Variants in DNAJA3 observed in about 807,000 individuals in gnomAD.
The protein encoded by DNAJA3 is dnaJ homolog subfamily A member 3, mitochondrial.
A neutral mutation model predicts 54.9 loss-of-function variants in DNAJA3; 29 were observed. The ratio of observed to expected loss-of-function variants is 0.53; its 90% CI spans 0.39 to 0.72. DNAJA3 has a LOEUF of 0.72. DNAJA3 is among the 30% of genes least tolerant of loss of function. The pLI is 0.00. For synonymous variants in DNAJA3, 302 were observed against 251.4 expected (o/e 1.20, Z -1.90); for missense variants, 708 against 639.4 (o/e 1.11, Z -1.16).
intron 1 of DNAJA3, chr16:4,434,132 A>T (rs965641963): frequency 2.2e-6 from 1 of 459,446 alleles, no homozygotes; most frequent in Non-Finnish European, 3.9e-6. Flanking sequence ...ATCAGATCTC[A>T]TGAGAACTTA....
At chr16:4,432,100 C>T (rs540188294) in intron 1 of DNAJA3, among the ~76,000 whole-genome samples, 1 of 150,798 alleles carries the variant, frequency 6.6e-6, no homozygotes, top group Non-Finnish European at 1.5e-5. Flanking sequence ...CCTCTTTAGC[C>T]TATTTCTGTC....
chr16:4,452,091 C>T (rs1158492725), intron 10 of DNAJA3, among the ~76,000 whole-genome samples: 1 of 151,898 alleles, frequency 6.6e-6, no homozygotes, highest in Non-Finnish European at 1.5e-5. Flanking sequence ...AACAAAAAAG[C>T]AGCTGCCACA....
At position 4,454,664 on chromosome 16, in the gene DNAJA3, G is replaced by T; in HGVS notation, c.1340-147G>T. The T allele has an allele frequency of 6.5e-6, 4 of 614,540 alleles. No homozygotes were observed. The South Asian group carries it at 7.9e-5, about 12-fold the overall frequency. The allele number at this position is 614,540 out of a possible 1,614,324, so 38.1% of individuals were successfully genotyped here. A position where few individuals can be genotyped will look rare whatever the true frequency, so the allele number is the denominator to read the frequency against. On this transcript the variant is annotated intron_variant, in intron 10 of 11. Transcript: ENST00000262375. ...AGGTGAGGCATCCTGTGCCATCTTA[G>T]GAGTGGCCCCCACTCTTCTTGAGGT...
chr16:4,438,843 A>T (rs902029456), intron 3 of DNAJA3, among the ~76,000 whole-genome samples: 3 of 152,018 alleles, frequency 2.0e-5, no homozygotes, highest in Non-Finnish European at 4.4e-5. Context: ...GTAGACAGCC[A>T]CGTAGAAGAA....
At chr16:4,430,180 C>A (rs1302182553) in intron 1 of DNAJA3, among the ~76,000 whole-genome samples, 1 of 151,742 alleles carries the variant, frequency 6.6e-6, no homozygotes, top group Non-Finnish European at 1.5e-5. Flanking sequence ...ATTAACTCAG[C>A]GTCCAAACAC....
rs1185572259 is a variant in DNAJA3, at chr16:4,441,127, G to T, written c.430-248G>T. On this transcript the variant is annotated intron_variant, in intron 3 of 11. Coordinates refer to ENST00000262375, the MANE Select transcript of DNAJA3 (RefSeq NM_005147.6). Reference sequence around the variant, plus strand: ...GAGGATCAACACAAACATTTTCCCAGCATGCGCGACGGCGGGAGAGTTCGT... The same window carrying T: ...GAGGATCAACACAAACATTTTCCCATCATGCGCGACGGCGGGAGAGTTCGT... The T allele has an allele frequency of 2.0e-5, 11 of 546,254 alleles. No individual in the cohort carries two copies. In the Admixed American group the frequency reaches 3.6e-4, roughly 18 times the overall value. 33.8% of individuals were successfully genotyped at this position (546,254 alleles called of 1,614,324 possible).
rs764000772 is a variant in DNAJA3, at chr16:4,450,376, C to G, written c.1242-24C>G. ...CAAAGCTTCCCGGCGGAAGCCTTGG[C>G]TGCTGACTCTGCTCGGTCCACAGGA... On this transcript the variant is annotated intron_variant, in intron 9 of 11. Coordinates refer to ENST00000262375, the MANE Select transcript of DNAJA3 (RefSeq NM_005147.6). The G allele has an allele frequency of 4.5e-6, 7 of 1,572,128 alleles. No individual in the cohort carries two copies. In the South Asian group the frequency reaches 8.1e-5, roughly 18 times the overall value.
intron 7 of DNAJA3, 81 bp from the exon 8 acceptor site, chr16:4,446,805 C>A: frequency 6.4e-7 from 1 of 1,563,644 alleles, no homozygotes; most frequent in Non-Finnish European, 8.7e-7. Flanking sequence ...CAGGTCTGAG[C>A]TTGGGCCTGG....
intron 3 of DNAJA3, chr16:4,437,702 C>G (rs2056788182): frequency 4.4e-6 from 2 of 459,762 alleles, no homozygotes; most frequent in South Asian, 7.9e-5. Flanking sequence ...GAAGCTGAGG[C>G]AGGAGGATCA....
rs747146035 is a variant in DNAJA3 at position 4,448,839 on chromosome 16, G to A, written c.1232G>A (p.Arg411Gln). ...GACCACTACATCCACATCAAGATAC[G>A]AGTTCCAAAGTAAGTGCCCCCTAGG... ...YGDHYIHIKI[R>Q]VPKRLTSRQQ... is the part of the protein sequence containing the mutation. The change falls in exon 9 of 12, where the codon CGA becomes CAA. Residue 411 changes from arginine (R) to glutamine (Q), a missense_variant. Coordinates refer to ENST00000262375, the MANE Select transcript of DNAJA3 (RefSeq NM_005147.6). 17 of 1,613,200 alleles carry A rather than the reference G, an allele frequency of 1.1e-5. No homozygotes were observed. Among genetic ancestry groups the A allele is most frequent in the African/African-American group, 6.7e-5 (5 of 74,906 alleles).
chr16:4,447,172 T>G (rs1451220869), intron 8 of DNAJA3, 158 bp downstream of exon 8: 3 of 803,324 alleles, frequency 3.7e-6, no homozygotes, highest in Non-Finnish European at 5.8e-6. Flanking sequence ...GCTCCTTGAG[T>G]GTGGACCACA....
At chr16:4,426,225 CACAG>C (rs888318059) in intron 1 of DNAJA3, 133 bp downstream of exon 1, 5 of 1,037,902 alleles carry the variant, frequency 4.8e-6, no homozygotes, top group Admixed American at 3.8e-5. Flanking sequence ...TTGCCGGAGA[CACAG>C]ACAGGCAGGA....
intron 8 of DNAJA3, 125 bp downstream of exon 8, chr16:4,447,139 G>A: frequency 8.7e-7 from 1 of 1,145,526 alleles, no homozygotes; most frequent in Non-Finnish European, 1.2e-6. Context: ...ACTCACAGGG[G>A]AGGACATGAG....
At position 4,434,277 on chromosome 16, in the gene DNAJA3, T is replaced by C. The variant is rs1216723091; in HGVS notation, c.212-107T>C. The C allele has an allele frequency of 3.1e-6, 4 of 1,287,136 alleles. No individual in the cohort carries two copies. The South Asian group carries it at 3.9e-5, about 12-fold the overall frequency. 79.7% of individuals were successfully genotyped at this position (1,287,136 alleles called of 1,614,324 possible). A position where few individuals can be genotyped will look rare whatever the true frequency, so the allele number is the denominator to read the frequency against. On this transcript the variant is annotated intron_variant, in intron 1 of 11. Coordinates refer to ENST00000262375, the MANE Select transcript of DNAJA3 (RefSeq NM_005147.6). The stretch of plus-strand genomic sequence containing the variant: ...TGGGTGGGGACACAGCCAAACCTTA[T>C]CAGTTTGTTTGTTCCTTCACAGATA...
In DNAJA3 at chr16:4,426,033, C is replaced by T. The variant is rs779570415; in HGVS notation, c.152C>T (p.Ser51Phe). ...RKLSVPAFAS[S>F]LTSCGPRALL... is the part of the protein sequence containing the mutation. ...CTGAGCGTCCCCGCCTTTGCGTCTTCCCTGACCTCTTGCGGCCCCCGAGCG... is the reference window on the plus strand; with the variant it reads ...CTGAGCGTCCCCGCCTTTGCGTCTTTCCTGACCTCTTGCGGCCCCCGAGCG... Residue 51 changes from serine (S) to phenylalanine (F), a missense_variant, in exon 1 of 12, where the codon TCC (serine) becomes TTC (phenylalanine). By Grantham distance (155) the Ser-to-Phe change is radical. Transcript: ENST00000262375. 1.2e-6 allele frequency: 2 copies of T among 1,607,358 alleles called. No homozygotes were observed. The highest frequency in any genetic ancestry group is 1.4e-5 in the African/African-American group (1 of 74,000).
Position 4,448,740 on chromosome 16 carries a change from C to G in DNAJA3, c.1133C>G (p.Pro378Arg). Residue 378 changes from proline to arginine, a missense_variant, in exon 9 of 12, where the codon CCT becomes CGT. Transcript: ENST00000262375. ...LYETINVTIP[P>R]GTQTDQKIRM... ...GATTTTCTTTCTTTATAGATCCCCCCTGGGACTCAGACAGACCAGAAGATT... is the reference window on the plus strand; with the variant it reads ...GATTTTCTTTCTTTATAGATCCCCCGTGGGACTCAGACAGACCAGAAGATT... 1.2e-6 allele frequency: 2 copies of G among 1,613,742 alleles called. No homozygotes were observed. Among genetic ancestry groups the G allele is most frequent in the South Asian group, 1.1e-5 (1 of 91,006 alleles).
chr16:4,449,344 A>G lies in DNAJA3; in HGVS notation c.1241+496A>G, dbSNP rs538755383. Among the ~76,000 whole-genome samples, 10 of 152,028 alleles carry G rather than the reference A, an allele frequency of 6.6e-5. No individual in the cohort carries two copies. The South Asian group carries it at 1.5e-3, about 22-fold the overall frequency. On this transcript the variant is annotated intron_variant, in intron 9 of 11. Coordinates refer to ENST00000262375, the MANE Select transcript of DNAJA3 (RefSeq NM_005147.6). ...GTTGGGAGAATTAAATGAACAACAC[A>G]TAGGAATTGCTTTGCTGCTGCTGCT...
intron 8 of DNAJA3, chr16:4,447,827 TG>T (rs2141390318): frequency 6.6e-6 from 1 of 151,474 alleles, no homozygotes; most frequent in East Asian, 1.9e-4. Flanking sequence ...TTTTTTTTTT[TG>T]AGATGGAGTC....
intron 1 of DNAJA3, chr16:4,433,806 T>C (rs1293331767): frequency 6.5e-6 from 1 of 153,010 alleles, no homozygotes; most frequent in Non-Finnish European, 1.5e-5. Flanking sequence ...ACTCCAGTAG[T>C]ATAAGCGAGG....
Sources: gnomAD v4.1 joint callset for allele counts (sites outside exome capture counted in the v4.1 genomes callset) on GRCh38, gnomAD v4.1.1 for gene constraint, MANE v1.5 for transcripts, NCBI Gene and HGNC (gene_info 2026-07-23, HGNC 2026-07-21) for gene names.